The following PFAS variants were observed in gnomAD, a reference collection of about 807,000 sequenced individuals.
The protein encoded by PFAS is phosphoribosylformylglycinamidine synthase, also known as FGAM synthase.
A neutral mutation model predicts 140.6 loss-of-function variants in PFAS; 97 were observed. That is an observed-to-expected ratio of 0.69 (90% CI 0.59 to 0.82). The LOEUF (loss-of-function observed/expected upper bound fraction) is 0.82, where lower values mean the gene tolerates loss of function less well. PFAS is among the 40% of genes least tolerant of loss of function. The pLI is 0.00. For missense variants in PFAS, 1,656 were observed against 1,780.2 expected, an observed-to-expected ratio of 0.93 and a Z score of 1.26; for synonymous variants, 679 against 718.8, an observed-to-expected ratio of 0.94 and a Z score of 0.88.
intron 13 of PFAS, 70 bp downstream of exon 13, chr17:8,263,335 TATCAGGA>T: frequency 6.5e-7 from 1 of 1,533,110 alleles, no homozygotes; most frequent in Non-Finnish European, 9.0e-7. Flanking sequence ...TAGGGAGAGG[TATCAGGA>T]ATCTCCAACC....
chr17:8,257,885 C>G lies in PFAS; in HGVS notation c.1154C>G (p.Ala385Gly), dbSNP rs755800703. The G allele has an allele frequency of 1.2e-6, 2 of 1,614,064 alleles. No homozygotes were observed. Among genetic ancestry groups the G allele is most frequent in the Non-Finnish European group, 1.7e-6 (2 of 1,179,938 alleles). ...CGGCCCCTGGAGGTTGCCATTGAAGCCAGTAATGGAGCTTCTGACTATGGC... is the reference window on the plus strand; with the variant it reads ...CGGCCCCTGGAGGTTGCCATTGAAGGCAGTAATGGAGCTTCTGACTATGGC... ...FARPLEVAIE[A>G]SNGASDYGNK... The change falls in exon 10 of 28, where the codon GCC becomes GGC. Residue 385 changes from alanine to glycine, a missense_variant. Physicochemically the swap from Ala to Gly is moderately conservative, Grantham distance 60. This residue lies in a region of PFAS where 773 missense variants were observed against 757.3 expected (regional missense o/e 1.02). Coordinates refer to ENST00000314666, the MANE Select transcript of PFAS (RefSeq NM_012393.3).
upstream of PFAS, chr17:8,247,780 GTGA>G (rs1214764694): frequency 6.9e-6 from 4 of 583,024 alleles, no homozygotes; most frequent in Admixed American, 6.1e-5. Flanking sequence ...ACCCTAGAGA[GTGA>G]ACGGAGACCA....
upstream of PFAS, among the ~76,000 whole-genome samples, chr17:8,248,525 T>A (rs1442912422): frequency 1.4e-5 from 2 of 148,112 alleles, no homozygotes; most frequent in Non-Finnish European, 3.0e-5. Context: ...CCTCCCAAAG[T>A]GCTGGGATTA....
In PFAS at chr17:8,270,266, T is replaced by G. The variant is rs1264845753; in HGVS notation, c.*1002T>G. The G allele has an allele frequency of 3.3e-5, 5 of 152,346 alleles. No homozygotes were observed. The highest frequency in any genetic ancestry group is 1.2e-4 in the African/African-American group (5 of 41,580). The allele number at this position is 152,346 out of a possible 1,614,324, so 9.4% of individuals were successfully genotyped here. A position where few individuals can be genotyped will look rare whatever the true frequency, so the allele number is the denominator to read the frequency against. Reference sequence around the variant, plus strand: ...TGCTGGAATTCTACTCTTCACTTACTGCATTGACTGTTGTTGATTAGTTAT... The same window carrying G: ...TGCTGGAATTCTACTCTTCACTTACGGCATTGACTGTTGTTGATTAGTTAT... On this transcript the variant is annotated 3_prime_UTR_variant, in exon 28 of 28. Transcript: ENST00000314666.
rs199868711 is a variant in PFAS at position 8,262,881 on chromosome 17, G to C, written c.1337-39G>C. 9.4e-5 allele frequency: 145 copies of C among 1,543,592 alleles called. 1 individual carries two copies. In the African/African-American group the frequency reaches 1.6e-3, roughly 17 times the overall value. ...CTTGCTTTCGAGGCCTCTTCTCGTG[G>C]CTTCCCCAGTGTTCTGATTCTGCCT... On this transcript the variant is annotated intron_variant, in intron 11 of 27. Coordinates refer to ENST00000314666, the MANE Select transcript of PFAS (RefSeq NM_012393.3).
intron 3 of PFAS, 120 bp from the exon 4 acceptor site, chr17:8,254,907 A>G: frequency 1.4e-6 from 1 of 695,900 alleles, no homozygotes; most frequent in Non-Finnish European, 2.6e-6. Context: ...CCTGAGGCTG[A>G]AAGCCAATGG....
intron 6 of PFAS, 37 bp downstream of exon 6, chr17:8,255,947 A>C (rs369671441): frequency 6.7e-7 from 1 of 1,492,034 alleles, no homozygotes; most frequent in Admixed American, 1.7e-5. Context: ...ACCTGAGCCC[A>C]TGGGTGTTGG....
intron 6 of PFAS, 56 bp from the exon 7 acceptor site, chr17:8,256,211 A>G (rs750037224): frequency 2.7e-5 from 42 of 1,575,798 alleles, no homozygotes; most frequent in Non-Finnish European, 3.5e-5. Context: ...AAGACATGGC[A>G]TTAAGAAATG....
At chr17:8,248,061 G>T, upstream of PFAS, 1 of 1,578,510 alleles carries the variant, frequency 6.3e-7, no homozygotes, top group Non-Finnish European at 8.6e-7. Context: ...CCGCCCCCGG[G>T]AGGGGCAGGT....
rs541190644 is a variant in PFAS, at chr17:8,268,666, C to T, written c.3516C>T (p.Gly1172=). The T allele has an allele frequency of 8.7e-6, 14 of 1,613,636 alleles. No individual in the cohort carries two copies. Among genetic ancestry groups the T allele is most frequent in the African/African-American group, 5.3e-5 (4 of 75,040 alleles). Residue 1172 remains glycine (G), a synonymous_variant, in exon 27 of 28, where the codon GGC becomes GGT. Coordinates refer to ENST00000314666, the MANE Select transcript of PFAS (RefSeq NM_012393.3). ...TGGCTCTGCTCGGCTGGGTGGGAGG[C>T]GACCCCAATGAGGATGCTGCAGAGA... is the stretch of plus-strand genomic sequence containing the variant. The part of the protein sequence containing the change: ...QLLALLGWVG[G]DPNEDAAEMG...
At chr17:8,248,064 G>A (rs751413854), upstream of PFAS, 1 of 1,571,990 alleles carries the variant, frequency 6.4e-7, no homozygotes, top group East Asian at 2.3e-5. Context: ...CCCCCGGGAG[G>A]GGCAGGTGCT....
At position 8,254,310 on chromosome 17, in the gene PFAS, C is replaced by T. The variant is rs201419758; in HGVS notation, c.278+9C>T. The T allele has an allele frequency of 6.2e-7, 1 of 1,613,794 alleles. No individual in the cohort carries two copies. The highest frequency in any genetic ancestry group is 1.7e-5 in the Admixed American group (1 of 60,010). ...CTGGAGGTCGGGCCCAGGTAAGTAT[C>T]TCATCCTGCCCACCCCTTTCTTCTG... On this transcript the variant is annotated intron_variant, in intron 3 of 27. Coordinates refer to ENST00000314666, the MANE Select transcript of PFAS (RefSeq NM_012393.3).
intron 18 of PFAS, 61 bp from the exon 19 acceptor site, chr17:8,265,227 T>C: frequency 6.3e-7 from 1 of 1,581,964 alleles, no homozygotes; most frequent in Non-Finnish European, 8.6e-7. Context: ...CCAGTCCGCC[T>C]GCACCCCTGG....
Position 8,264,330 on chromosome 17 carries a change from C to G in PFAS, c.1910C>G (p.Pro637Arg). 6.2e-7 allele frequency: 1 copy of G among 1,613,956 alleles called. No individual in the cohort carries two copies. ...CTCGAATGGGTGCTGGGCAAGATGC[C>G]TCGGAAGGTATGTGGGGTTGAGGGG... ...LELEWVLGKMPRKEFFLQRKP... is the reference protein window; with the variant it reads ...LELEWVLGKMRRKEFFLQRKP... The change falls in exon 16 of 28, where the codon CCT becomes CGT. Residue 637 changes from proline to arginine, a missense_variant. By Grantham distance (103) the Pro-to-Arg change is moderately radical. This residue lies in a region of PFAS where 883 missense variants were observed against 1,023.0 expected (regional missense o/e 0.86). Coordinates refer to ENST00000314666, the MANE Select transcript of PFAS (RefSeq NM_012393.3).
chr17:8,264,372 G>T (rs762076031), intron 16 of PFAS, 35 bp downstream of exon 16: 5 of 1,612,574 alleles, frequency 3.1e-6, no homozygotes, highest in Non-Finnish European at 4.2e-6. Context: ...TTTTCCTGTG[G>T]TCCTCTCCAC....
Position 8,256,830 on chromosome 17 carries a change from T to G in PFAS, c.947-5T>G. 6.3e-7 allele frequency: 1 copy of G among 1,596,212 alleles called. No individual in the cohort carries two copies. The highest frequency in any genetic ancestry group is 1.1e-5 in the South Asian group (1 of 87,318). On this transcript the variant is annotated splice_polypyrimidine_tract_variant and splice_region_variant and intron_variant, in intron 8 of 27. Coordinates refer to ENST00000314666, the MANE Select transcript of PFAS (RefSeq NM_012393.3). ...CCCAGACCTCTCCCCACTCTCTCTT[T>G]GCAGGAGTATGCCCCTTTAGTGGTG... is the stretch of plus-strand genomic sequence containing the variant.
rs150219874 is a variant in PFAS, at chr17:8,255,555, C to T, written c.438C>T (p.His146=). The T allele has an allele frequency of 1.5e-4, 226 of 1,543,504 alleles. No homozygotes were observed. In the East Asian group the frequency reaches 3.6e-3, roughly 25 times the overall value. ...AAGCCATTGCTCTGGCTACCCTGCA[C>T]GACCGGATGACAGAGCAGCACTTCC... ...EVEAIALATL[H]DRMTEQHFPH... Residue 146 remains histidine, a synonymous_variant, in exon 5 of 28, where the codon CAC becomes CAT. Coordinates refer to ENST00000314666, the MANE Select transcript of PFAS (RefSeq NM_012393.3).
At chr17:8,260,686 G>A (rs998593157) in intron 11 of PFAS, among the ~76,000 whole-genome samples, 1 of 152,170 alleles carries the variant, frequency 6.6e-6, no homozygotes, top group Non-Finnish European at 1.5e-5. Context: ...GCGTAATGGC[G>A]CTTTCTCGGC....
In PFAS at chr17:8,257,834, G is replaced by A; in HGVS notation, c.1103G>A (p.Ser368Asn). 1 of 1,613,858 alleles carries A rather than the reference G, an allele frequency of 6.2e-7. No individual in the cohort carries two copies. Among genetic ancestry groups the A allele is most frequent in the Non-Finnish European group, 8.5e-7 (1 of 1,179,772 alleles). ...PGYNLPWEDPSFQYPGNFARP... is the reference protein window; with the variant it reads ...PGYNLPWEDPNFQYPGNFARP... The stretch of plus-strand genomic sequence containing the variant: ...TACAATCTGCCCTGGGAGGATCCAA[G>A]CTTCCAGTATCCTGGGAATTTTGCC... Residue 368 changes from serine to asparagine, a missense_variant, in exon 10 of 28, where the codon AGC becomes AAC. Around this residue, in one of 2 missense-constraint regions of PFAS, gnomAD observed 773 missense variants for 757.3 expected, o/e 1.02. Transcript: ENST00000314666.
Sources: allele counts gnomAD v4.1 joint callset (sites outside exome capture counted in the v4.1 genomes callset), GRCh38; gene constraint gnomAD v4.1.1; regional missense constraint gnomAD v4.1.1; transcripts MANE v1.5; gene names NCBI Gene and HGNC (gene_info 2026-07-23, HGNC 2026-07-21).